LRAT: variants seen among roughly 807,000 people sequenced by gnomAD.
The protein encoded by LRAT is lecithin retinol acyltransferase (phosphatidylcholine--retinol O-acyltransferase).
A neutral mutation model predicts 14.2 loss-of-function variants in LRAT; 11 were observed. The ratio of observed to expected loss-of-function variants is 0.78; its 90% CI spans 0.49 to 1.29. LRAT has a LOEUF of 1.29. LRAT is among the 50% of genes most tolerant of loss of function. The pLI, the probability that LRAT is intolerant of heterozygous loss-of-function variation, is 0.00. For missense variants in LRAT, 274 were observed against 292.4 expected (o/e 0.94, Z 0.46); for synonymous variants, 144 against 124.8 (o/e 1.15, Z -1.03).
chr4:154,748,397 A>G, intron 2 of LRAT: 20 of 990,428 alleles, frequency 2.0e-5, no homozygotes, highest in Non-Finnish European at 2.4e-5. Context: ...GGGTAAGGAC[A>G]ATATTTGTCT....
chr4:154,746,459 C>A (rs934959263), intron 2 of LRAT, among the ~76,000 whole-genome samples: 4 of 152,064 alleles, frequency 2.6e-5, no homozygotes, highest in African/African-American at 9.7e-5. Flanking sequence ...GAATTCTTTT[C>A]CAAGTAAAAT....
At chr4:154,742,053 G>A (rs1732778218), upstream of LRAT, among the ~76,000 whole-genome samples, 3 of 152,074 alleles carry the variant, frequency 2.0e-5, no homozygotes, top group African/African-American at 7.2e-5. Context: ...TTCAGAGTGT[G>A]AGGTCGGGTC....
chr4:154,744,997 T>G, intron 2 of LRAT, 131 bp downstream of exon 2: 1 of 705,912 alleles, frequency 1.4e-6, no homozygotes, highest in Non-Finnish European at 2.2e-6. Flanking sequence ...ACCATCCTTT[T>G]TCTTTTTCCT....
At chr4:154,746,853 C>T (rs537192329) in intron 2 of LRAT, among the ~76,000 whole-genome samples, 2 of 152,232 alleles carry the variant, frequency 1.3e-5, no homozygotes, top group Admixed American at 1.3e-4. Context: ...CTGCATAGCA[C>T]CTCTTGTGAA....
In LRAT at chr4:154,744,152, C is replaced by T; in HGVS notation, c.-72C>T. On this transcript the variant is annotated 5_prime_UTR_variant, in exon 1 of 3. Transcript: ENST00000336356. The stretch of plus-strand genomic sequence containing the variant: ...GGCTTGGCTGAGCCGGTCGCCAGGC[C>T]TCGCTGTCCTCCTTTGCCTTCCTCT... The T allele has an allele frequency of 1.5e-6, 1 of 657,148 alleles. No homozygotes were observed. The highest frequency in any genetic ancestry group is 2.6e-6 in the Non-Finnish European group (1 of 377,574). The allele number at this position is 657,148 out of a possible 1,614,324, so 40.7% of individuals were successfully genotyped here. A position where few individuals can be genotyped will look rare whatever the true frequency, so the allele number is the denominator to read the frequency against.
Position 154,744,589 on chromosome 4 carries a change from C to A in LRAT, c.263C>A (p.Thr88Lys). The change falls in exon 2 of 3, where the codon ACG becomes AAG. Residue 88 changes from threonine to lysine, a missense_variant. Thr to Lys is a moderately conservative substitution (Grantham distance 78). Transcript: ENST00000336356. ...LLALTDDMGR[T>K]QKVVSNKRLI... ...GCCCTGACAGACGACATGGGGCGCA[C>A]GCAGAAGGTGGTCTCCAACAAGCGT... is the stretch of plus-strand genomic sequence containing the variant. 1 of 1,614,096 alleles carries A rather than the reference C, an allele frequency of 6.2e-7. No individual in the cohort carries two copies. The highest frequency in any genetic ancestry group is 8.5e-7 in the Non-Finnish European group (1 of 1,180,024).
In LRAT at chr4:154,749,219, G is replaced by A. The variant is rs1320161765; in HGVS notation, c.*83G>A. The A allele has an allele frequency of 4.2e-6, 6 of 1,439,302 alleles. No individual in the cohort carries two copies. Among genetic ancestry groups the A allele is most frequent in the Non-Finnish European group, 5.9e-6 (6 of 1,024,090 alleles). The allele number at this position is 1,439,302 out of a possible 1,614,324, so 89.2% of individuals were successfully genotyped here. ...AGCATCAATCAATATAAGCATTATT[G>A]AGAAAAATGTGACCCGTAACACTGT... is the stretch of plus-strand genomic sequence containing the variant. On this transcript the variant is annotated 3_prime_UTR_variant, in exon 3 of 3. Transcript: ENST00000336356.
intron 2 of LRAT, 84 bp from the exon 3 acceptor site, chr4:154,748,900 G>A: frequency 7.6e-7 from 1 of 1,321,262 alleles, no homozygotes; most frequent in Non-Finnish European, 1.1e-6. Context: ...GAAAATAGCT[G>A]GGAAAACTGA....
upstream of LRAT, chr4:154,743,943 G>T (rs906541327): frequency 1.6e-4 from 29 of 179,320 alleles, no homozygotes; most frequent in African/African-American, 6.6e-4. Context: ...GTCTGTGACG[G>T]CCTTCGGCTC....
In LRAT at chr4:154,750,549, C is replaced by T. The variant is rs920174967; in HGVS notation, c.*1413C>T. Reference sequence around the variant, plus strand: ...GCGGGGCCAATCAGTCAATGATAATCTGAACAAATTTTAAGAGCAGATTTT... The same window carrying T: ...GCGGGGCCAATCAGTCAATGATAATTTGAACAAATTTTAAGAGCAGATTTT... On this transcript the variant is annotated 3_prime_UTR_variant, in exon 3 of 3. Transcript: ENST00000336356. 2.0e-5 allele frequency: 3 copies of T among 152,058 alleles called. No individual in the cohort carries two copies. Among genetic ancestry groups the T allele is most frequent in the Non-Finnish European group, 4.4e-5 (3 of 67,976 alleles). The allele number at this position is 152,058 out of a possible 1,614,324, so 9.4% of individuals were successfully genotyped here.
chr4:154,744,851 T>C lies in LRAT; in HGVS notation c.525T>C (p.Ser175=), dbSNP rs104893848. 130 of 1,613,154 alleles carry C rather than the reference T, an allele frequency of 8.1e-5. No homozygotes were observed. Among genetic ancestry groups the C allele is most frequent in the Non-Finnish European group, 1.0e-4 (122 of 1,179,954 alleles). Reference sequence around the variant, plus strand: ...ACTGCAGATATGGCACCCCGATCAGTCCCCAGTCCGACAAGGTATGATGTG... The same window carrying C: ...ACTGCAGATATGGCACCCCGATCAGCCCCCAGTCCGACAAGGTATGATGTG... ...VTYCRYGTPI[S]PQSDKFCETV... Residue 175 remains serine, a synonymous_variant, in exon 2 of 3, where the codon AGT becomes AGC. Transcript: ENST00000336356.
At position 154,751,761 on chromosome 4, in the gene LRAT, A is replaced by AAAAAAAAAAAAAG. The variant is rs1553973380; in HGVS notation, c.*2628_*2629insAAAAAAAAAGAAA. On this transcript the variant is annotated 3_prime_UTR_variant, in exon 3 of 3. Transcript: ENST00000336356. ...AAAAAAAAAAAAAAAAAAAAAAAAA[A>AAAAAAAAAAAAAG]AAAGAAGAAGAAACCCTGAGCCATT... 35 of 109,782 alleles carry AAAAAAAAAAAAAG rather than the reference A, an allele frequency of 3.2e-4. 5 individuals are homozygous for AAAAAAAAAAAAAG. Among genetic ancestry groups the AAAAAAAAAAAAAG allele is most frequent in the South Asian group, 2.0e-3 (6 of 3,056 alleles). The allele number at this position is 109,782 out of a possible 1,614,324, so 6.8% of individuals were successfully genotyped here.
chr4:154,742,195 G>T (rs771512503), upstream of LRAT, among the ~76,000 whole-genome samples: 1 of 152,138 alleles, frequency 6.6e-6, no homozygotes, highest in Non-Finnish European at 1.5e-5. Context: ...CCACCTGGGC[G>T]CTTTTCTTTA....
intron 2 of LRAT, chr4:154,748,101 A>G (rs1732918172): frequency 2.8e-6 from 1 of 355,240 alleles, no homozygotes; most frequent in Non-Finnish European, 3.9e-6. Flanking sequence ...CAATCACTGC[A>G]TTCTGGCATC....
upstream of LRAT, among the ~76,000 whole-genome samples, chr4:154,743,301 C>G (rs558003566): frequency 6.6e-5 from 10 of 151,544 alleles, no homozygotes; most frequent in East Asian, 1.9e-3. Context: ...GCCTGGCCAA[C>G]ACCAGCCTGG....
rs1370324869 is a variant in LRAT, at chr4:154,752,993, A to G, written c.*3857A>G. The G allele has an allele frequency of 1.3e-5, 2 of 152,218 alleles. No individual in the cohort carries two copies. Among genetic ancestry groups the G allele is most frequent in the East Asian group, 1.9e-4 (1 of 5,206 alleles). 9.4% of individuals were successfully genotyped at this position (152,218 alleles called of 1,614,324 possible). On this transcript the variant is annotated 3_prime_UTR_variant, in exon 3 of 3. Transcript: ENST00000336356. ...AGTCCTTGTTGTAGATGAGAAGCAT[A>G]TAAGAAATGGTTGCCAATCTTTGTT...
chr4:154,744,522 G>C lies in LRAT; in HGVS notation c.196G>C (p.Gly66Arg). ...THLTHYGIYLGDNRVAHMMPD... is the reference protein window; with the variant it reads ...THLTHYGIYLRDNRVAHMMPD... ...CCTGACCCACTATGGCATCTACCTA[G>C]GAGACAACCGTGTTGCCCACATGAT... The change falls in exon 2 of 3, where the codon GGA becomes CGA. Residue 66 changes from glycine (G) to arginine (R), a missense_variant. Coordinates refer to ENST00000336356, the MANE Select transcript of LRAT (RefSeq NM_004744.5). 6.2e-7 allele frequency: 1 copy of C among 1,614,162 alleles called. No individual in the cohort carries two copies. The highest frequency in any genetic ancestry group is 1.1e-5 in the South Asian group (1 of 91,078).
At position 154,749,069 on chromosome 4, in the gene LRAT, C is replaced by T. The variant is rs762455309; in HGVS notation, c.626C>T (p.Thr209Met). Residue 209 changes from threonine to methionine, a missense_variant, in exon 3 of 3, where the codon ACG (threonine) becomes ATG (methionine). By Grantham distance (81) the Thr-to-Met change is moderately conservative (BLOSUM62 -1). Coordinates refer to ENST00000336356, the MANE Select transcript of LRAT (RefSeq NM_004744.5). ...AVLGLASIVC[T>M]GLVSYTTLPA... ...TTGGGATTGGCGTCTATAGTCTGTACGGGCTTGGTATCATACACTACCCTT... is the reference window on the plus strand; with the variant it reads ...TTGGGATTGGCGTCTATAGTCTGTATGGGCTTGGTATCATACACTACCCTT... The T allele has an allele frequency of 1.7e-5, 28 of 1,613,604 alleles. No individual in the cohort carries two copies. Among genetic ancestry groups the T allele is most frequent in the East Asian group, 6.7e-5 (3 of 44,878 alleles).
chr4:154,744,150 G>A lies in LRAT; in HGVS notation c.-74G>A. 1.5e-6 allele frequency: 1 copy of A among 650,060 alleles called. No homozygotes were observed. The highest frequency in any genetic ancestry group is 2.7e-6 in the Non-Finnish European group (1 of 371,578). The allele number at this position is 650,060 out of a possible 1,614,324, so 40.3% of individuals were successfully genotyped here. ...GTGGCTTGGCTGAGCCGGTCGCCAG[G>A]CCTCGCTGTCCTCCTTTGCCTTCCT... On this transcript the variant is annotated 5_prime_UTR_variant, in exon 1 of 3. Transcript: ENST00000336356.
Sources: allele counts gnomAD v4.1 joint callset (sites outside exome capture counted in the v4.1 genomes callset), GRCh38; gene constraint gnomAD v4.1.1; transcripts MANE v1.5; gene names NCBI Gene and HGNC (gene_info 2026-07-23, HGNC 2026-07-21).